CD59: variants seen among roughly 807,000 people sequenced by gnomAD.
CD59 encodes CD59 molecule (CD59 blood group), also known as CD59 glycoprotein.
A neutral mutation model predicts 7.0 loss-of-function variants in CD59; 3 were observed. The observed-to-expected ratio is 0.43, with a 90% CI of 0.19 to 1.10. The LOEUF is 1.10. CD59 is among the 50% of genes least tolerant of loss of function. The pLI is 0.29. For missense variants in CD59, 143 were observed against 151.0 expected, an observed-to-expected ratio of 0.95 and a Z score of 0.28; for synonymous variants, 60 against 62.0, an observed-to-expected ratio of 0.97 and a Z score of 0.15.
chr11:33,722,621 C>T, intron 1 of CD59, 158 bp from the exon 2 acceptor site: 1 of 1,501,038 alleles, frequency 6.7e-7, no homozygotes, highest in Non-Finnish European at 8.9e-7. Flanking sequence ...AGCTCTGACC[C>T]ACAGCACCAT....
intron 3 of CD59, among the ~76,000 whole-genome samples, chr11:33,715,435 A>C (rs1168502984): frequency 6.6e-6 from 1 of 152,106 alleles, no homozygotes; most frequent in East Asian, 1.9e-4. Flanking sequence ...CCCCGTCTCT[A>C]CTAAAAATAC....
chr11:33,716,726 C>A (rs961830796), intron 3 of CD59, among the ~76,000 whole-genome samples: 1 of 152,136 alleles, frequency 6.6e-6, no homozygotes, highest in African/African-American at 2.4e-5. Flanking sequence ...GTTAGCATTG[C>A]CCATCCCCAA....
At position 33,708,083 on chromosome 11, in the gene CD59, A is replaced by C. The variant is rs1161230448; in HGVS notation, c.*2043T>G. ...TCTATTGCCACAGCCCTCTCCAGCC[A>C]GGAGGGCCTGGAGTACCTGGGGTGC... On this transcript the variant is annotated 3_prime_UTR_variant, in exon 4 of 4. Transcript: ENST00000642928. The C allele has an allele frequency of 6.6e-6, 1 of 152,252 alleles. No homozygotes were observed. The highest frequency in any genetic ancestry group is 1.5e-5 in the Non-Finnish European group (1 of 68,070). 9.4% of individuals were successfully genotyped at this position (152,252 alleles called of 1,614,324 possible).
Position 33,708,599 on chromosome 11 carries a change from CCA to C in CD59, c.*1525_*1526del, listed in dbSNP as rs1491354665. On this transcript the variant is annotated 3_prime_UTR_variant, in exon 4 of 4. Transcript: ENST00000642928. ...TGGGCATGGTCAGTACTTCCTCAGG[CCA>C]AAAAAAAAAAAAAAAACCTATTGAT... 2.9e-5 allele frequency: 4 copies of C among 139,938 alleles called. No homozygotes were observed. The highest frequency in any genetic ancestry group is 8.3e-5 in the African/African-American group (3 of 36,180). 8.7% of individuals were successfully genotyped at this position (139,938 alleles called of 1,614,324 possible). A position where few individuals can be genotyped will look rare whatever the true frequency, so the allele number is the denominator to read the frequency against.
chr11:33,735,915 A>C lies in CD59; in HGVS notation c.-19+467T>G, dbSNP rs866126024. ...TGGGCAACAGCGAAACTCCATCTCA[A>C]AAAAAAAAAAAAGTCCGTTTCGCCC... On this transcript the variant is annotated intron_variant, in intron 1 of 3. Transcript: ENST00000642928. 5.7e-4 allele frequency among the ~76,000 whole-genome samples: 63 copies of C among 110,620 alleles called. No individual in the cohort carries two copies. The Middle Eastern group carries it at 0.015, about 27-fold the overall frequency. 72.6% of individuals were successfully genotyped at this position (110,620 alleles called of 152,430 possible).
chr11:33,722,053 C>T (rs1047379332), intron 2 of CD59, among the ~76,000 whole-genome samples: 4 of 152,116 alleles, frequency 2.6e-5, no homozygotes, highest in Admixed American at 2.0e-4. Context: ...CCCAAAGGGA[C>T]TTGCACAGCA....
chr11:33,710,235 A>G lies in CD59; in HGVS notation c.278T>C (p.Leu93Pro), dbSNP rs750005211. 2 of 1,614,156 alleles carry G rather than the reference A, an allele frequency of 1.2e-6. No individual in the cohort carries two copies. Among genetic ancestry groups the G allele is most frequent in the Admixed American group, 3.3e-5 (2 of 60,014 alleles). Residue 93 changes from leucine (L) to proline (P), a missense_variant, in exon 4 of 4, where the codon CTG becomes CCG. By Grantham distance (98) the Leu-to-Pro change is moderately conservative. Transcript: ENST00000642928. ...TTCAAGCTGTTCGTTAAAGTTACAC[A>G]GGTCCTTCTTGCAGCAGTAGTACGT... ...ELTYYCCKKD[L>P]CNFNEQLENG...
intron 1 of CD59, among the ~76,000 whole-genome samples, chr11:33,726,168 G>A (rs1253476677): frequency 1.3e-5 from 2 of 152,072 alleles, no homozygotes; most frequent in African/African-American, 4.8e-5. Flanking sequence ...CTCAGCTCTG[G>A]ACCAAGTGGA....
At position 33,705,559 on chromosome 11, in the gene CD59, T is replaced by C. The variant is rs527333283; in HGVS notation, c.*4567A>G. On this transcript the variant is annotated 3_prime_UTR_variant, in exon 4 of 4. Transcript: ENST00000642928. ...TCTAGGACTTGCACCAGTGGGTTGG[T>C]TGCCAGGGGCTCTTGGGCCTTTGGC... is the stretch of plus-strand genomic sequence containing the variant. 8 of 152,378 alleles carry C rather than the reference T, an allele frequency of 5.3e-5. No individual in the cohort carries two copies. The East Asian group carries it at 9.6e-4, about 18-fold the overall frequency. The allele number at this position is 152,378 out of a possible 1,614,324, so 9.4% of individuals were successfully genotyped here. A position where few individuals can be genotyped will look rare whatever the true frequency, so the allele number is the denominator to read the frequency against.
rs534385543 is a variant in CD59, at chr11:33,722,353, C to T, written c.67+26G>A. The T allele has an allele frequency of 3.4e-5, 52 of 1,545,602 alleles. No homozygotes were observed. In the South Asian group the frequency reaches 5.8e-4, roughly 17 times the overall value. The stretch of plus-strand genomic sequence containing the variant: ...AGTTCATGGCCAAGGCAGCCTAGAT[C>T]CATGTCCTGAGACTGGAGCACTCAC... On this transcript the variant is annotated intron_variant, in intron 2 of 3. Transcript: ENST00000642928.
chr11:33,710,445 G>T (rs1052565373), intron 3 of CD59, 102 bp from the exon 4 acceptor site: 5 of 921,194 alleles, frequency 5.4e-6, no homozygotes, highest in Non-Finnish European at 8.9e-6. Context: ...TGCAAGTAGA[G>T]ACTTCTAGGC....
chr11:33,719,440 G>A (rs1667380392), intron 2 of CD59: 1 of 152,224 alleles, frequency 6.6e-6, no homozygotes, highest in South Asian at 2.1e-4. Flanking sequence ...TGGCCAACAT[G>A]GTGAAACCTC....
chr11:33,721,330 C>T (rs113731180), intron 2 of CD59, among the ~76,000 whole-genome samples: 22 of 152,084 alleles, frequency 1.4e-4, no homozygotes, highest in African/African-American at 5.1e-4. Flanking sequence ...GTAACAGTAC[C>T]GACCTCCCGG....
intron 2 of CD59, chr11:33,719,165 G>C (rs950971363): frequency 6.6e-6 from 1 of 152,222 alleles, no homozygotes; most frequent in Non-Finnish European, 1.5e-5. Context: ...TCCAGTGGAA[G>C]CAAGGTGGGT....
At chr11:33,721,434 A>C (rs554146518) in intron 2 of CD59, among the ~76,000 whole-genome samples, 26 of 152,196 alleles carry the variant, frequency 1.7e-4, no homozygotes, top group Non-Finnish European at 2.9e-4. Context: ...ATTCTAAGAC[A>C]TGCTACAGTG....
intron 3 of CD59, among the ~76,000 whole-genome samples, chr11:33,714,366 T>C (rs1853693156): frequency 6.6e-6 from 1 of 152,088 alleles, no homozygotes; most frequent in Non-Finnish European, 1.5e-5. Flanking sequence ...CATAGAAAAA[T>C]ACAGTAAAAA....
At chr11:33,725,765 G>A (rs1380656588) in intron 1 of CD59, among the ~76,000 whole-genome samples, 3 of 152,118 alleles carry the variant, frequency 2.0e-5, no homozygotes, top group African/African-American at 7.2e-5. Context: ...GTATACTATG[G>A]TACACTTCCA....
At chr11:33,721,543 C>T (rs1427195374) in intron 2 of CD59, among the ~76,000 whole-genome samples, 3 of 152,274 alleles carry the variant, frequency 2.0e-5, no homozygotes, top group Admixed American at 6.5e-5. Flanking sequence ...CAGCAGTGGC[C>T]AAGATATTAT....
At chr11:33,720,247 T>C (rs932176188) in intron 2 of CD59, among the ~76,000 whole-genome samples, 5 of 152,380 alleles carry the variant, frequency 3.3e-5, no homozygotes, top group Non-Finnish European at 7.3e-5. Context: ...AGATGTTAAC[T>C]AAATTGTTCA....
Sources: allele counts gnomAD v4.1 joint callset (sites outside exome capture counted in the v4.1 genomes callset), GRCh38; gene constraint gnomAD v4.1.1; transcripts MANE v1.5; gene names NCBI Gene and HGNC (gene_info 2026-07-23, HGNC 2026-07-21).